Variants in LMNA observed in about 807,000 individuals in gnomAD.
LMNA encodes the protein lamin.
A neutral mutation model predicts 70.4 loss-of-function variants in LMNA; 20 were observed. That is an observed-to-expected ratio of 0.28 (90% CI 0.20 to 0.41). The LOEUF (loss-of-function observed/expected upper bound fraction) is 0.41. LMNA is among the 10% of genes least tolerant of loss of function. The pLI, the probability that LMNA is intolerant of heterozygous loss-of-function variation, is 1.00. For synonymous variants in LMNA, 339 were observed against 372.8 expected (o/e 0.91, Z 1.04); for missense variants, 652 against 917.2 (o/e 0.71, Z 3.73).
At position 156,103,319 on chromosome 1, in the gene LMNA, G is replaced by A. The variant is rs1226219248; in HGVS notation, c.-206-11394G>A. 5.3e-5 allele frequency among the ~76,000 whole-genome samples: 8 copies of A among 152,292 alleles called. No individual in the cohort carries two copies. Among genetic ancestry groups the A allele is most frequent in the Non-Finnish European group, 1.0e-4 (7 of 68,012 alleles). The stretch of plus-strand genomic sequence containing the variant: ...GAGAAGCCAGCGATCGACCCCCAGG[G>A]AGAAGTCTTGCAGAGGAGGGTCCTC... On this transcript the variant is annotated intron_variant, in intron 3 of 12. Coordinates refer to the LMNA transcript ENST00000368301. The surrounding 1 kb of genome is among the most constrained non-coding windows in gnomAD (Gnocchi z 4.7).
chr1:156,111,619 C>G (rs1049221218), upstream of LMNA, among the ~76,000 whole-genome samples: 2 of 152,206 alleles, frequency 1.3e-5, no homozygotes, highest in African/African-American at 4.8e-5. Flanking sequence ...TTGCTTCTCC[C>G]TCTGTCTTTC....
chr1:156,101,699 G>A (rs1335684453), intron 3 of LMNA, among the ~76,000 whole-genome samples: 1 of 151,954 alleles, frequency 6.6e-6, no homozygotes, highest in Non-Finnish European at 1.5e-5. Context: ...TTATAGAGGA[G>A]AAAGGATGGG....
chr1:156,122,925 C>T (rs894340663), intron 1 of LMNA, among the ~76,000 whole-genome samples: 20 of 152,170 alleles, frequency 1.3e-4, no homozygotes, highest in African/African-American at 4.8e-4. Flanking sequence ...GGAGTCCTCC[C>T]TTCACCCCTG....
intron 2 of LMNA, 57 bp downstream of exon 2, chr1:156,130,830 C>CTTCT: frequency 6.6e-7 from 1 of 1,510,684 alleles, no homozygotes; most frequent in South Asian, 1.2e-5. Context: ...TACACTCACT[C>CTTCT]TTCTACCTAG....
chr1:156,134,260 C>G lies in LMNA; in HGVS notation c.514-143C>G. On this transcript the variant is annotated intron_variant, in intron 2 of 11. Coordinates refer to ENST00000368300, the MANE Select transcript of LMNA (RefSeq NM_170707.4). This position sits in a 1 kb window ranked among gnomAD's most constrained non-coding sequence, Gnocchi z 5.3. ...GAGTGAGTGAGTAGATGTCCTGACC[C>G]CTGCAGGCATCCAAGGCCCTCCTTC... 1.2e-6 allele frequency: 1 copy of G among 832,310 alleles called. No individual in the cohort carries two copies. Among genetic ancestry groups the G allele is most frequent in the African/African-American group, 1.7e-5 (1 of 59,452 alleles). 51.6% of individuals were successfully genotyped at this position (832,310 alleles called of 1,614,324 possible).
At chr1:156,119,459 G>A (rs771307357) in intron 1 of LMNA, among the ~76,000 whole-genome samples, 21 of 152,302 alleles carry the variant, frequency 1.4e-4, no homozygotes, top group Non-Finnish European at 2.6e-4. Context: ...TCACCGTGTT[G>A]CCCAAGCTGG....
Position 156,138,780 on chromosome 1 carries a change from C to T in LMNA, c.1968+23C>T. The T allele has an allele frequency of 6.2e-7, 1 of 1,613,214 alleles. No individual in the cohort carries two copies. The highest frequency in any genetic ancestry group is 8.5e-7 in the Non-Finnish European group (1 of 1,179,994). Reference sequence around the variant, plus strand: ...CAGGTGAGTTGTCTCTGCTTTGTCTCCAAATCCTGCAGGCGGGTCCCTGGT... The same window carrying T: ...CAGGTGAGTTGTCTCTGCTTTGTCTTCAAATCCTGCAGGCGGGTCCCTGGT... On this transcript the variant is annotated intron_variant, in intron 11 of 11. Transcript: ENST00000368300. The surrounding 1 kb of genome is among the most constrained non-coding windows in gnomAD (Gnocchi z 5.5).
chr1:156,088,537 G>C (rs1648570953), intron 2 of LMNA, among the ~76,000 whole-genome samples: 2 of 151,868 alleles, frequency 1.3e-5, no homozygotes, highest in South Asian at 4.2e-4. Flanking sequence ...GAGCACGGTG[G>C]CTCCTGCCTA....
At chr1:156,089,427 C>T (rs1648606282) in intron 2 of LMNA, among the ~76,000 whole-genome samples, 1 of 151,534 alleles carries the variant, frequency 6.6e-6, no homozygotes, top group Non-Finnish European at 1.5e-5. Context: ...TCCTGAGTAC[C>T]TGGGATTACA....
At chr1:156,094,631 G>A (rs919050638) in intron 3 of LMNA, among the ~76,000 whole-genome samples, 1 of 151,950 alleles carries the variant, frequency 6.6e-6, no homozygotes. Flanking sequence ...TTACAGGCGT[G>A]AGCCACCGCA....
intron 3 of LMNA, among the ~76,000 whole-genome samples, chr1:156,108,764 C>T (rs1193202590): frequency 2.1e-5 from 3 of 141,994 alleles, no homozygotes; most frequent in Non-Finnish European, 4.7e-5. Flanking sequence ...AACTCCATCT[C>T]AAAAAAAAAA....
chr1:156,107,622 AG>A (rs1649397222), intron 3 of LMNA, among the ~76,000 whole-genome samples: 1 of 152,034 alleles, frequency 6.6e-6, no homozygotes, highest in African/African-American at 2.4e-5. Flanking sequence ...CATTTGAGTG[AG>A]GGGGATCTCT....
intron 2 of LMNA, among the ~76,000 whole-genome samples, chr1:156,133,587 TA>T (rs968133124): frequency 1.3e-5 from 2 of 150,982 alleles, no homozygotes; most frequent in South Asian, 2.1e-4. Flanking sequence ...AAAATAAAAA[TA>T]AAAAAAAGAA....
Position 156,137,043 on chromosome 1 carries a change from G to A in LMNA, c.1488+15G>A, listed in dbSNP as rs371380638. On this transcript the variant is annotated intron_variant, in intron 8 of 11. Transcript: ENST00000368300. The surrounding 1 kb of genome is among the most constrained non-coding windows in gnomAD (Gnocchi z 4.6). ...AGGTGGTGACGGTGAGTGGCAGGGC[G>A]CTTGGGACTCTGGGGAGGCCTTGGG... 1.2e-5 allele frequency: 19 copies of A among 1,614,020 alleles called. No homozygotes were observed. Among genetic ancestry groups the A allele is most frequent in the Admixed American group, 5.0e-5 (3 of 60,000 alleles).
At chr1:156,105,232 G>C (rs1041342401) in intron 3 of LMNA, among the ~76,000 whole-genome samples, 7 of 152,216 alleles carry the variant, frequency 4.6e-5, no homozygotes, top group Non-Finnish European at 8.8e-5. Context: ...ATAGCAGACA[G>C]GGGAATCTGG....
At position 156,138,197 on chromosome 1, in the gene LMNA, C is replaced by T. The variant is rs752070429; in HGVS notation, c.1699-291C>T. On this transcript the variant is annotated intron_variant, in intron 10 of 11. Transcript: ENST00000368300. The surrounding 1 kb of genome is among the most constrained non-coding windows in gnomAD (Gnocchi z 5.5). ...GCATGCCTGCTGCCCTACAAGCTTG[C>T]TCCCGTTCTCTCTTCTTTTCCTCTT... 3 of 568,676 alleles carry T rather than the reference C, an allele frequency of 5.3e-6. No individual in the cohort carries two copies. The highest frequency in any genetic ancestry group is 9.4e-6 in the Non-Finnish European group (3 of 318,170). 35.2% of individuals were successfully genotyped at this position (568,676 alleles called of 1,614,324 possible). A position where few individuals can be genotyped will look rare whatever the true frequency, so the allele number is the denominator to read the frequency against.
chr1:156,134,933 G>A lies in LMNA; in HGVS notation c.768G>A (p.Val256=), dbSNP rs794728593. ...QELRAQHEDQ[V]EQYKKELEKT... ...TGCGGGCCCAGCATGAGGACCAGGT[G>A]GAGCAGTATAAGAAGGAGCTGGAGA... Residue 256 remains valine, a synonymous_variant, in exon 4 of 12, where the codon GTG becomes GTA. Transcript: ENST00000368300. This position sits in a 1 kb window ranked among gnomAD's most constrained non-coding sequence, Gnocchi z 5.3. 6.2e-7 allele frequency: 1 copy of A among 1,614,118 alleles called. No homozygotes were observed. The highest frequency in any genetic ancestry group is 8.5e-7 in the Non-Finnish European group (1 of 1,180,046).
chr1:156,135,022 C>T lies in LMNA; in HGVS notation c.810+47C>T, dbSNP rs1651426176. 1 of 1,612,562 alleles carries T rather than the reference C, an allele frequency of 6.2e-7. No homozygotes were observed. The highest frequency in any genetic ancestry group is 8.5e-7 in the Non-Finnish European group (1 of 1,178,968). On this transcript the variant is annotated intron_variant, in intron 4 of 11. Transcript: ENST00000368300. This position sits in a 1 kb window ranked among gnomAD's most constrained non-coding sequence, Gnocchi z 4.8. Reference sequence around the variant, plus strand: ...CCTCACTGCCTCTGCCCTTGGCAGCCCTACCCTTACCCACGCTGGGCTATG... The same window carrying T: ...CCTCACTGCCTCTGCCCTTGGCAGCTCTACCCTTACCCACGCTGGGCTATG...
At chr1:156,126,017 A>G (rs1650543146) in intron 1 of LMNA, 1 of 308,960 alleles carries the variant, frequency 3.2e-6, no homozygotes, top group East Asian at 5.4e-5. Context: ...TTAAAATTAA[A>G]CAATTAAAAA....
Sources: gnomAD v4.1 joint callset for allele counts (sites outside exome capture counted in the v4.1 genomes callset) on GRCh38, gnomAD v4.1.1 for gene constraint, Gnocchi (gnomAD v3.1) non-coding constraint, MANE v1.5 for transcripts, NCBI Gene and HGNC (gene_info 2026-07-23, HGNC 2026-07-21) for gene names.